GRK1: variants seen among roughly 807,000 people sequenced by gnomAD.
The protein encoded by GRK1 is G protein-coupled receptor kinase 1.
GRK1 carries 28 observed loss-of-function variants against 41.7 expected under a neutral mutation model. The ratio of observed to expected loss-of-function variants is 0.67; its 90% CI spans 0.50 to 0.92. The LOEUF is 0.92. GRK1 is among the 40% of genes least tolerant of loss of function. The pLI is 0.00. For synonymous variants in GRK1, 327 were observed against 286.7 expected (o/e 1.14, Z -1.42); for missense variants, 703 against 671.2 (o/e 1.05, Z -0.52).
intron 6 of GRK1, among the ~76,000 whole-genome samples, chr13:113,734,099 T>C (rs1370659369): frequency 6.6e-6 from 1 of 152,254 alleles, no homozygotes; most frequent in Non-Finnish European, 1.5e-5. Context: ...CATGCACTTT[T>C]GCATCTGAGA....
intron 6 of GRK1, among the ~76,000 whole-genome samples, chr13:113,734,061 C>G (rs1381377651): frequency 6.7e-6 from 1 of 149,826 alleles, no homozygotes; most frequent in African/African-American, 2.5e-5. Context: ...CGTGTGTGTG[C>G]ATGTGTGTGC....
the GRK1 span, among the ~76,000 whole-genome samples, chr13:113,659,059 CG>C: frequency 6.6e-6 from 1 of 152,148 alleles, no homozygotes; most frequent in Non-Finnish European, 1.5e-5. Context: ...GTCACAGGGC[CG>C]GGGCAGGGAC....
Position 113,669,713 on chromosome 13 carries a change from G to A in GRK1, c.726G>A (p.Leu242=). 6.2e-7 allele frequency: 1 copy of A among 1,614,016 alleles called. No individual in the cohort carries two copies. Among genetic ancestry groups the A allele is most frequent in the Non-Finnish European group, 8.5e-7 (1 of 1,179,866 alleles). Residue 242 remains leucine (L), a synonymous_variant, in exon 2 of 7, where the codon CTG becomes CTA. Transcript: ENST00000335678. ...YQGAMVEKKI[L]MKVHSRFIVS... ...GTGCTATGGTGGAGAAGAAGATTCT[G>A]ATGAAAGTACACAGCAGGTTCATCG...
the GRK1 span, among the ~76,000 whole-genome samples, chr13:113,658,963 G>A: frequency 1.3e-5 from 2 of 152,178 alleles, no homozygotes; most frequent in African/African-American, 2.4e-5. Flanking sequence ...CAGTGCTGGT[G>A]GGAGGGAGTA....
At chr13:113,653,107 C>T in the GRK1 span, 8 of 1,587,356 alleles carry the variant, frequency 5.0e-6, no homozygotes, top group African/African-American at 1.1e-4. Flanking sequence ...CCTGTCCTGC[C>T]CTGGCCCTGA....
rs942736451 is a variant in GRK1, at chr13:113,671,367, G to A, written c.828-132G>A. On this transcript the variant is annotated intron_variant, in intron 2 of 6. Coordinates refer to ENST00000335678, the MANE Select transcript of GRK1 (RefSeq NM_002929.3). The surrounding 1 kb of genome is among the most constrained non-coding windows in gnomAD (Gnocchi z 4.1). ...GCCTTCGGGTGTCCTCTGCAGGGAC[G>A]TAGGGGGGCCAGGCCTCAAAACGAC... The A allele has an allele frequency of 2.7e-5, 19 of 691,810 alleles. No homozygotes were observed. Among genetic ancestry groups the A allele is most frequent in the East Asian group, 1.3e-4 (5 of 38,822 alleles). The allele number at this position is 691,810 out of a possible 1,614,324, so 42.9% of individuals were successfully genotyped here. A position where few individuals can be genotyped will look rare whatever the true frequency, so the allele number is the denominator to read the frequency against.
chr13:113,669,867 G>T, intron 2 of GRK1, 53 bp downstream of exon 2: 2 of 1,603,580 alleles, frequency 1.2e-6, no homozygotes, highest in Non-Finnish European at 1.7e-6. Context: ...ACTGGGTCAG[G>T]GTTTCCAGGG....
chr13:113,652,559 C>T, the GRK1 span: 1 of 435,892 alleles, frequency 2.3e-6, no homozygotes, highest in Non-Finnish European at 4.3e-6. Context: ...GAACTTGAGG[C>T]CCCTTTACCT....
chr13:113,734,014 ATG>A (rs553234954), intron 6 of GRK1, among the ~76,000 whole-genome samples: 9 of 97,422 alleles, frequency 9.2e-5, no homozygotes, highest in South Asian at 9.1e-4. Flanking sequence ...GTGTGCGTGC[ATG>A]TGTGTGCGTG....
Position 113,667,879 on chromosome 13 carries a change from T to C in GRK1, c.493T>C (p.Tyr165His), listed in dbSNP as rs1486458110. 3 of 1,594,266 alleles carry C rather than the reference T, an allele frequency of 1.9e-6. No homozygotes were observed. Among genetic ancestry groups the C allele is most frequent in the Non-Finnish European group, 1.7e-6 (2 of 1,169,296 alleles). Residue 165 changes from tyrosine (Y) to histidine (H), a missense_variant, in exon 1 of 7, where the codon TAC (tyrosine) becomes CAC (histidine). Transcript: ENST00000335678. This position sits in a 1 kb window ranked among gnomAD's most constrained non-coding sequence, Gnocchi z 7.5. ...CCTGGGCCAAGCCCCCTTCCAGGAG[T>C]ACCTGGGCAGCCTGTACTTCCTGAG... The part of the protein sequence containing the change: ...AHLGQAPFQE[Y>H]LGSLYFLRFL...
upstream of GRK1, among the ~76,000 whole-genome samples, chr13:113,664,786 G>C (rs1333386361): frequency 6.6e-6 from 1 of 152,212 alleles, no homozygotes; most frequent in African/African-American, 2.4e-5. This position sits in a 1 kb window ranked among gnomAD's most constrained non-coding sequence, Gnocchi z 5.4. Flanking sequence ...GCTGTTTGAG[G>C]CATGAACCAG....
chr13:113,659,742 T>A, the GRK1 span, among the ~76,000 whole-genome samples: 1 of 152,104 alleles, frequency 6.6e-6, no homozygotes, highest in Non-Finnish European at 1.5e-5. Flanking sequence ...CATAATTTCT[T>A]AATGGACCTA....
chr13:113,653,507 T>C, the GRK1 span: 1 of 1,397,900 alleles, frequency 7.2e-7, no homozygotes, highest in Non-Finnish European at 1.0e-6. Context: ...CTGAAGTGGC[T>C]GAGGATACGC....
the GRK1 span, among the ~76,000 whole-genome samples, chr13:113,657,443 G>A: frequency 6.6e-6 from 1 of 152,228 alleles, no homozygotes; most frequent in African/African-American, 2.4e-5. Flanking sequence ...GGCCTTGGAG[G>A]CCCAGGCATC....
chr13:113,649,894 G>A, the GRK1 span, among the ~76,000 whole-genome samples: 3 of 152,194 alleles, frequency 2.0e-5, no homozygotes, highest in Non-Finnish European at 2.9e-5. The surrounding 1 kb of genome is among the most constrained non-coding windows in gnomAD (Gnocchi z 4.7). Context: ...TGGGCGCAGT[G>A]GCTCATGCCT....
chr13:113,733,276 G>C (rs887382229), intron 6 of GRK1, among the ~76,000 whole-genome samples, 191 bp downstream of exon 6: 2 of 152,198 alleles, frequency 1.3e-5, no homozygotes, highest in African/African-American at 4.8e-5. Flanking sequence ...CGATGGAGCC[G>C]GCATCGGGCC....
At chr13:113,672,699 G>A (rs2049865294) in intron 3 of GRK1, among the ~76,000 whole-genome samples, 1 of 73,778 alleles carries the variant, frequency 1.4e-5, no homozygotes. Flanking sequence ...TGTTCTTTCA[G>A]TGTACCCTCC....
chr13:113,670,339 A>T lies in GRK1; in HGVS notation c.827+525A>T, dbSNP rs533194413. On this transcript the variant is annotated intron_variant, in intron 2 of 6. Transcript: ENST00000335678. ...CCAGGCCCGTGCTGGGGATCAGATC[A>T]CAGGCTCGCTTGGTAGCTGGGCCGC... 5.9e-5 allele frequency among the ~76,000 whole-genome samples: 9 copies of T among 152,308 alleles called. No individual in the cohort carries two copies. In the East Asian group the frequency reaches 1.7e-3, roughly 29 times the overall value.
chr13:113,662,579 CT>C (rs1188333816), upstream of GRK1, among the ~76,000 whole-genome samples: 1 of 152,184 alleles, frequency 6.6e-6, no homozygotes, highest in Non-Finnish European at 1.5e-5. Context: ...ACTCCTACAG[CT>C]GTTAAGTGAG....
Sources: gnomAD v4.1 joint callset for allele counts (sites outside exome capture counted in the v4.1 genomes callset) on GRCh38, gnomAD v4.1.1 for gene constraint, Gnocchi (gnomAD v3.1) non-coding constraint, MANE v1.5 for transcripts, NCBI Gene and HGNC (gene_info 2026-07-23, HGNC 2026-07-21) for gene names.